The following ANKS1B variants were observed in gnomAD, a reference collection of about 807,000 sequenced individuals.
The protein encoded by ANKS1B is ankyrin repeat and sterile alpha motif domain containing 1B.
In ANKS1B, 36 loss-of-function variants were observed where a neutral mutation model predicts 148.3. The ratio of observed to expected loss-of-function variants is 0.24; its 90% confidence interval spans 0.19 to 0.32. ANKS1B has a LOEUF of 0.32. ANKS1B is among the 10% of genes least tolerant of loss of function. ANKS1B has a pLI of 1.00. For missense variants in ANKS1B, 1,157 were observed against 1,542.6 expected (o/e 0.75, Z 4.19); for synonymous variants, 542 against 560.8 (o/e 0.97, Z 0.47).
intron 9 of ANKS1B, among the ~76,000 whole-genome samples, chr12:99,595,512 GAA>G (rs1032334636): frequency 3.3e-5 from 5 of 151,780 alleles, no homozygotes; most frequent in African/African-American, 1.2e-4. Context: ...ACATTTTTCA[GAA>G]AAGAGGAAAT....
intron 12 of ANKS1B, among the ~76,000 whole-genome samples, chr12:99,281,897 A>G (rs529565784): frequency 2.5e-4 from 38 of 152,342 alleles, no homozygotes; most frequent in Admixed American, 1.5e-3. Context: ...AACTACAAAA[A>G]TAATGGTTTT....
At chr12:99,881,328 T>C (rs1033374630) in intron 1 of ANKS1B, among the ~76,000 whole-genome samples, 1 of 152,220 alleles carries the variant, frequency 6.6e-6, no homozygotes, top group Non-Finnish European at 1.5e-5. Context: ...CCTGTGGCAG[T>C]GGCAGCAGCA....
exon 10 of ANKS1B, chr12:98,735,362 G>C (rs1401400045): frequency 2.3e-6 from 1 of 426,366 alleles, no homozygotes; most frequent in South Asian, 7.5e-5. Flanking sequence ...TTTTTGCCTT[G>C]GTATACATTT....
intron 10 of ANKS1B, among the ~76,000 whole-genome samples, chr12:99,454,351 T>G (rs899316271): frequency 5.9e-5 from 9 of 152,200 alleles, no homozygotes; most frequent in African/African-American, 2.2e-4. Context: ...CTATAGTCAC[T>G]TTAAAATTCT....
At chr12:98,880,800 A>AAAC (rs527909715) in intron 17 of ANKS1B, among the ~76,000 whole-genome samples, 42 of 151,920 alleles carry the variant, frequency 2.8e-4, no homozygotes, top group South Asian at 1.3e-3. Context: ...ATAAAAAATA[A>AAAC]AACAACAACA....
Position 99,888,969 on chromosome 12 carries a change from A to AACAC in ANKS1B, c.135-63584_135-63581dup, listed in dbSNP as rs6144833. On this transcript the variant is annotated intron_variant, in intron 1 of 26. Transcript: ENST00000683438. ...TGGAAAAATGGCTCACCTTCGCCAAAACACACACACACACACACACACACA... is the reference window on the plus strand; with the variant it reads ...TGGAAAAATGGCTCACCTTCGCCAAAACACACACACACACACACACACACACACA... Among the ~76,000 whole-genome samples the AACAC allele has an allele frequency of 1.5e-3, 219 of 147,276 alleles. 1 individual carries two copies. The highest frequency in any genetic ancestry group is 2.3e-3 in the African/African-American group (91 of 39,610).
At position 98,788,213 on chromosome 12, in the gene ANKS1B, G is replaced by A. The variant is rs375535016; in HGVS notation, c.3343-6076C>T. Among the ~76,000 whole-genome samples, 22 of 150,208 alleles carry A rather than the reference G, an allele frequency of 1.5e-4. No homozygotes were observed. In the East Asian group the frequency reaches 3.5e-3, roughly 24 times the overall value. ...TGAGGTCAGGAGTTCAAGACCAGCC[G>A]GACCAACATGGTGAAACCCCCCATC... On this transcript the variant is annotated intron_variant, in intron 22 of 26. Transcript: ENST00000683438.
At position 99,745,709 on chromosome 12, in the gene ANKS1B, A is replaced by C. The variant is rs757313257; in HGVS notation, c.1128+27213T>G. Reference sequence around the variant, plus strand: ...TACAATTTAATTAAGAAAACAAAAAATATAACCTGTCATTTTATTATTTTT... The same window carrying C: ...TACAATTTAATTAAGAAAACAAAAACTATAACCTGTCATTTTATTATTTTT... On this transcript the variant is annotated intron_variant, in intron 8 of 26. Transcript: ENST00000683438. Among the ~76,000 whole-genome samples, 170 of 152,228 alleles carry C rather than the reference A, an allele frequency of 1.1e-3. 1 individual carries two copies. The highest frequency in any genetic ancestry group is 1.2e-3 in the Non-Finnish European group (83 of 67,988).
chr12:99,463,437 T>C lies in ANKS1B; in HGVS notation c.1439-19628A>G, dbSNP rs931682922. Among the ~76,000 whole-genome samples the C allele has an allele frequency of 2.0e-4, 30 of 152,114 alleles. No individual in the cohort carries two copies. The South Asian group carries it at 2.7e-3, about 14-fold the overall frequency. ...TCACTAGGGAGTGCCAGACAGTGGG[T>C]GCAGGACAGTGGGTGCAGCACACCG... On this transcript the variant is annotated intron_variant, in intron 10 of 26. Transcript: ENST00000683438.
chr12:99,767,415 A>AT (rs558453730), intron 8 of ANKS1B, among the ~76,000 whole-genome samples: 20 of 151,996 alleles, frequency 1.3e-4, no homozygotes, highest in Non-Finnish European at 2.1e-4. Flanking sequence ...TAAAAAAAAA[A>AT]CAAAAAAACT....
At chr12:99,299,869 T>C (rs745907979) in intron 12 of ANKS1B, among the ~76,000 whole-genome samples, 21 of 152,206 alleles carry the variant, frequency 1.4e-4, no homozygotes, top group Admixed American at 2.0e-4. Context: ...GTTCCAGTGA[T>C]AAACACTTGC....
At chr12:98,760,456 G>A (rs1357300983) in intron 25 of ANKS1B, among the ~76,000 whole-genome samples, 2 of 152,104 alleles carry the variant, frequency 1.3e-5, no homozygotes, top group Non-Finnish European at 2.9e-5. Flanking sequence ...TTTAGAGACA[G>A]GGTTTCAACA....
intron 10 of ANKS1B, among the ~76,000 whole-genome samples, chr12:99,465,967 C>T (rs1020028971): frequency 6.6e-6 from 1 of 152,132 alleles, no homozygotes; most frequent in African/African-American, 2.4e-5. Context: ...CAGAACTCTC[C>T]ACCCCAAATC....
intron 17 of ANKS1B, among the ~76,000 whole-genome samples, chr12:98,960,550 A>C (rs1489444895): frequency 6.6e-6 from 1 of 152,170 alleles, no homozygotes; most frequent in Non-Finnish European, 1.5e-5. Flanking sequence ...AAACGAGCCC[A>C]GACTTAGAAG....
chr12:99,360,051 A>T (rs1387473175), intron 12 of ANKS1B, among the ~76,000 whole-genome samples: 1 of 152,130 alleles, frequency 6.6e-6, no homozygotes, highest in East Asian at 1.9e-4. Context: ...CTGAGAAGAA[A>T]ACTACAGTAA....
chr12:99,923,058 A>T (rs552300787), intron 1 of ANKS1B, among the ~76,000 whole-genome samples: 1 of 152,234 alleles, frequency 6.6e-6, no homozygotes, highest in Non-Finnish European at 1.5e-5. Context: ...CATTACAGGC[A>T]AAAGAAGAAA....
intron 10 of ANKS1B, among the ~76,000 whole-genome samples, chr12:99,481,464 C>T (rs2096409416): frequency 6.6e-6 from 1 of 151,912 alleles, no homozygotes; most frequent in African/African-American, 2.4e-5. Context: ...TAGCTTGCTT[C>T]CACATCTTTG....
At chr12:98,771,430 C>T (rs1470647014) in intron 25 of ANKS1B, among the ~76,000 whole-genome samples, 1 of 151,838 alleles carries the variant, frequency 6.6e-6, no homozygotes, top group Non-Finnish European at 1.5e-5. Flanking sequence ...ACTTGGCATC[C>T]CAAAGTACTG....
At chr12:99,343,294 C>A (rs2090190998) in intron 12 of ANKS1B, among the ~76,000 whole-genome samples, 1 of 152,078 alleles carries the variant, frequency 6.6e-6, no homozygotes, top group South Asian at 2.1e-4. Context: ...GATCCAATAT[C>A]CCATGATTCA....
Sources: allele counts gnomAD v4.1 joint callset (sites outside exome capture counted in the v4.1 genomes callset), GRCh38; gene constraint gnomAD v4.1.1; transcripts MANE v1.5; gene names NCBI Gene and HGNC (gene_info 2026-07-23, HGNC 2026-07-21).